Variants in ACVR1C observed in about 807,000 individuals in gnomAD.
ACVR1C encodes activin receptor type-1C.
ACVR1C carries 23 observed loss-of-function variants against 57.9 expected under a neutral mutation model. The ratio of observed to expected loss-of-function variants is 0.40; its 90% CI spans 0.29 to 0.56. The LOEUF (loss-of-function observed/expected upper bound fraction) is 0.56, where lower values mean the gene tolerates loss of function less well. Among genes scored for constraint, ACVR1C ranks in the 20% least tolerant of loss-of-function variants. The probability of loss-of-function intolerance (pLI) is 0.50; values close to 1 mark genes in which losing one functional copy is unlikely to be tolerated. For synonymous variants in ACVR1C, 214 were observed against 215.3 expected (o/e 0.99, Z 0.05); for missense variants, 480 against 607.9 (o/e 0.79, Z 2.21).
chr2:157,595,583 T>A (rs1381776350), intron 1 of ACVR1C, among the ~76,000 whole-genome samples: 8 of 152,126 alleles, frequency 5.3e-5, no homozygotes, highest in Non-Finnish European at 8.8e-5. Flanking sequence ...GTAATTGGGG[T>A]TTCTTAATCT....
rs112925756 is a variant in ACVR1C, at chr2:157,616,866, A to G, written c.73+11706T>C. ...GTTAAGAAATCCACAAAGAAAGTAAAATGAAATACTCAAAAAAATTACTAG... is the reference window on the plus strand; with the variant it reads ...GTTAAGAAATCCACAAAGAAAGTAAGATGAAATACTCAAAAAAATTACTAG... On this transcript the variant is annotated intron_variant, in intron 1 of 8. Coordinates refer to ENST00000243349, the MANE Select transcript of ACVR1C (RefSeq NM_145259.3). Among the ~76,000 whole-genome samples, 659 of 152,156 alleles carry G rather than the reference A, an allele frequency of 4.3e-3. 5 individuals carry two copies. Among genetic ancestry groups the G allele is most frequent in the African/African-American group, 0.015 (626 of 41,552 alleles).
intron 1 of ACVR1C, among the ~76,000 whole-genome samples, chr2:157,605,103 T>C (rs1401802134): frequency 6.6e-6 from 1 of 151,784 alleles, no homozygotes; most frequent in Non-Finnish European, 1.5e-5. Flanking sequence ...ATTTATTTAT[T>C]TTTGCTTATG....
At chr2:157,593,360 A>G (rs915404654) in intron 1 of ACVR1C, among the ~76,000 whole-genome samples, 1 of 152,198 alleles carries the variant, frequency 6.6e-6, no homozygotes, top group Non-Finnish European at 1.5e-5. Context: ...ACATATTACT[A>G]CGTTTCCTTT....
At chr2:157,543,608 G>T (rs1445647306) in intron 5 of ACVR1C, among the ~76,000 whole-genome samples, 3 of 152,104 alleles carry the variant, frequency 2.0e-5, no homozygotes, top group Non-Finnish European at 4.4e-5. Context: ...AAAAACCTTT[G>T]TAGTCCTCAA....
Position 157,545,614 on chromosome 2 carries a change from G to T in ACVR1C, c.776-1002C>A, listed in dbSNP as rs886237119. Among the ~76,000 whole-genome samples, 4 of 152,086 alleles carry T rather than the reference G, an allele frequency of 2.6e-5. No homozygotes were observed. In the East Asian group the frequency reaches 7.7e-4, roughly 29 times the overall value. ...AGTGAAACTGTCAATGTTGCAAAAGGTAAAGGAATTAAAAAATGAAAGTGA... is the reference window on the plus strand; with the variant it reads ...AGTGAAACTGTCAATGTTGCAAAAGTTAAAGGAATTAAAAAATGAAAGTGA... On this transcript the variant is annotated intron_variant, in intron 4 of 8. Coordinates refer to ENST00000243349, the MANE Select transcript of ACVR1C (RefSeq NM_145259.3).
chr2:157,609,021 G>A (rs1166668746), intron 1 of ACVR1C, among the ~76,000 whole-genome samples: 2 of 151,350 alleles, frequency 1.3e-5, no homozygotes, highest in Non-Finnish European at 1.5e-5. Flanking sequence ...GCTAATTTGG[G>A]GTTTGGTTTG....
intron 8 of ACVR1C, among the ~76,000 whole-genome samples, chr2:157,537,849 T>C (rs923184815): frequency 6.6e-6 from 1 of 152,196 alleles, no homozygotes; most frequent in Admixed American, 6.5e-5. Context: ...ATAACAAGCA[T>C]TGCAATAACC....
intron 1 of ACVR1C, among the ~76,000 whole-genome samples, chr2:157,621,039 A>G (rs1008027925): frequency 6.6e-6 from 1 of 152,190 alleles, no homozygotes. Context: ...GTTTAATGAA[A>G]AAGTGGATTG....
chr2:157,554,256 AAAGAAAGAAAGAAAGGAAGG>A (rs1688015708), intron 3 of ACVR1C, among the ~76,000 whole-genome samples: 4 of 130,428 alleles, frequency 3.1e-5, no homozygotes, highest in Non-Finnish European at 6.4e-5. Context: ...AGAAAGAAAG[AAAGAAAGAAAGAAAGGAAGG>A]AAGGAAGAGA....
At chr2:157,598,288 T>C (rs1255295150) in intron 1 of ACVR1C, among the ~76,000 whole-genome samples, 1 of 150,846 alleles carries the variant, frequency 6.6e-6, no homozygotes, top group Non-Finnish European at 1.5e-5. Context: ...TGTATACATA[T>C]CAAAACAACA....
chr2:157,619,587 T>A (rs1682721547), intron 1 of ACVR1C, among the ~76,000 whole-genome samples: 1 of 152,036 alleles, frequency 6.6e-6, no homozygotes. Context: ...AAGGCAGAGT[T>A]AAGTGGATGC....
At chr2:157,536,875 A>G (rs1352240849) in intron 8 of ACVR1C, among the ~76,000 whole-genome samples, 2 of 152,212 alleles carry the variant, frequency 1.3e-5, no homozygotes, top group African/African-American at 2.4e-5. Flanking sequence ...TGTTCACACT[A>G]GAATGACTAT....
chr2:157,554,122 G>A (rs1181783067), intron 3 of ACVR1C, among the ~76,000 whole-genome samples: 2 of 149,878 alleles, frequency 1.3e-5, no homozygotes, highest in Non-Finnish European at 3.0e-5. Context: ...GGGAGAGGTT[G>A]CAGTGAGCCA....
intron 2 of ACVR1C, among the ~76,000 whole-genome samples, chr2:157,581,484 G>T (rs1177556899): frequency 1.3e-5 from 2 of 152,096 alleles, no homozygotes; most frequent in Non-Finnish European, 2.9e-5. Context: ...CACCTACTAG[G>T]GGGAGACGGG....
intron 7 of ACVR1C, among the ~76,000 whole-genome samples, chr2:157,539,486 C>T (rs1476038545): frequency 6.6e-6 from 1 of 152,192 alleles, no homozygotes; most frequent in Non-Finnish European, 1.5e-5. Context: ...CAACTAACTA[C>T]AATTCACGTC....
chr2:157,625,616 A>AG (rs1319411644), intron 1 of ACVR1C, among the ~76,000 whole-genome samples: 1 of 3,532 alleles, frequency 2.8e-4, no homozygotes, highest in Middle Eastern at 0.12. Flanking sequence ...AGAGGGGTGC[A>AG]GGGGGGTGGG....
intron 1 of ACVR1C, among the ~76,000 whole-genome samples, chr2:157,607,438 T>C (rs1189570787): frequency 6.6e-6 from 1 of 151,664 alleles, no homozygotes; most frequent in Admixed American, 6.6e-5. Flanking sequence ...TTAGAATTGT[T>C]TTGGTTATCT....
chr2:157,593,427 CTCTT>C (rs1239147526), intron 1 of ACVR1C, among the ~76,000 whole-genome samples: 1 of 152,198 alleles, frequency 6.6e-6, no homozygotes, highest in Non-Finnish European at 1.5e-5. Flanking sequence ...CTGACATAAA[CTCTT>C]TCTTCTTTTC....
intron 7 of ACVR1C, among the ~76,000 whole-genome samples, chr2:157,538,996 T>C (rs1253412192): frequency 6.7e-6 from 1 of 148,728 alleles, no homozygotes; most frequent in Admixed American, 6.7e-5. Flanking sequence ...ATATAATATA[T>C]AACATTTCTA....
Sources: allele counts gnomAD v4.1 joint callset (sites outside exome capture counted in the v4.1 genomes callset), GRCh38; gene constraint gnomAD v4.1.1; transcripts MANE v1.5; gene names NCBI Gene and HGNC (gene_info 2026-07-23, HGNC 2026-07-21).